CNTN6: variants seen among roughly 807,000 people sequenced by gnomAD.
The protein encoded by CNTN6 is contactin 6.
In CNTN6, 137 loss-of-function variants were observed where a neutral mutation model predicts 122.8. The ratio of observed to expected loss-of-function variants is 1.12; its 90% confidence interval spans 0.97 to 1.29. CNTN6 has a LOEUF of 1.29. Ranked by LOEUF, CNTN6 falls within the 50% of genes most tolerant of loss-of-function variation. The pLI is 0.00. For synonymous variants in CNTN6, 570 were observed against 426.0 expected (o/e 1.34, Z -4.16); for missense variants, 1,634 against 1,223.4 (o/e 1.34, Z -5.01).
intron 4 of CNTN6, among the ~76,000 whole-genome samples, chr3:1,234,155 A>G (rs2094393031): frequency 6.6e-6 from 1 of 152,214 alleles, no homozygotes; most frequent in Non-Finnish European, 1.5e-5. Flanking sequence ...CAACTAACCT[A>G]CAGCAGACCC....
chr3:1,383,480 C>T, intron 19 of CNTN6, 72 bp downstream of exon 19: 8 of 1,085,044 alleles, frequency 7.4e-6, no homozygotes, highest in Non-Finnish European at 1.1e-5. Context: ...ATTCAACAGT[C>T]CTATCCTACT....
chr3:1,388,188 G>A (rs1316968469), intron 20 of CNTN6, among the ~76,000 whole-genome samples: 5 of 150,694 alleles, frequency 3.3e-5, no homozygotes, highest in East Asian at 1.9e-4. Flanking sequence ...GAGAGCACTG[G>A]TTCTCCCAGC....
chr3:1,165,190 C>G (rs903980196), intron 2 of CNTN6, among the ~76,000 whole-genome samples: 1 of 152,102 alleles, frequency 6.6e-6, no homozygotes, highest in Non-Finnish European at 1.5e-5. Context: ...TGTTCATATC[C>G]TAGTGTTCAT....
At chr3:1,339,077 G>A (rs1020574385) in intron 11 of CNTN6, among the ~76,000 whole-genome samples, 3 of 151,338 alleles carry the variant, frequency 2.0e-5, no homozygotes, top group Admixed American at 6.6e-5. Flanking sequence ...TTTTTTTTAA[G>A]CCACTGACTA....
intron 12 of CNTN6, among the ~76,000 whole-genome samples, chr3:1,363,101 A>C (rs886497491): frequency 6.6e-6 from 1 of 151,988 alleles, no homozygotes; most frequent in Non-Finnish European, 1.5e-5. Flanking sequence ...CACTTAAAAA[A>C]ATAAAAATTT....
Position 1,093,102 on chromosome 3 carries a change from A to G in CNTN6, c.-101A>G. The G allele has an allele frequency of 6.8e-6, 2 of 292,362 alleles. No homozygotes were observed. The highest frequency in any genetic ancestry group is 1.4e-5 in the Non-Finnish European group (2 of 147,030). The allele number at this position is 292,362 out of a possible 1,614,324, so 18.1% of individuals were successfully genotyped here. On this transcript the variant is annotated 5_prime_UTR_variant, in exon 1 of 23. Transcript: ENST00000446702. ...AGAGTTCTGCAGAAAAACTGTAAAGATCCCGAGACATTTCCCTGGTAAGAT... is the reference window on the plus strand; with the variant it reads ...AGAGTTCTGCAGAAAAACTGTAAAGGTCCCGAGACATTTCCCTGGTAAGAT...
At chr3:1,240,513 T>C (rs2094469142) in intron 4 of CNTN6, among the ~76,000 whole-genome samples, 1 of 151,434 alleles carries the variant, frequency 6.6e-6, no homozygotes, top group African/African-American at 2.4e-5. Context: ...AATCAAAAAC[T>C]CAAAAAATAA....
At chr3:1,153,219 G>T (rs1424287725) in intron 2 of CNTN6, among the ~76,000 whole-genome samples, 1 of 152,150 alleles carries the variant, frequency 6.6e-6, no homozygotes, top group Non-Finnish European at 1.5e-5. Context: ...TCATGAAGAA[G>T]TGCAATAATT....
chr3:1,240,738 T>G (rs1197257690), intron 4 of CNTN6, among the ~76,000 whole-genome samples: 1 of 151,824 alleles, frequency 6.6e-6, no homozygotes, highest in Non-Finnish European at 1.5e-5. Flanking sequence ...AGAAAAAAAT[T>G]TCATGTGTGT....
intron 10 of CNTN6, among the ~76,000 whole-genome samples, chr3:1,328,570 G>A (rs951690025): frequency 2.6e-5 from 4 of 151,778 alleles, no homozygotes; most frequent in African/African-American, 2.4e-5. Context: ...GGAGAAAAAA[G>A]TGTCAGATTT....
At chr3:1,161,028 G>A (rs2093121154) in intron 2 of CNTN6, among the ~76,000 whole-genome samples, 1 of 151,322 alleles carries the variant, frequency 6.6e-6, no homozygotes, top group South Asian at 2.1e-4. Context: ...TTTGTATGGT[G>A]GAAATATCAT....
At chr3:1,288,249 T>G (rs1285406427) in intron 5 of CNTN6, among the ~76,000 whole-genome samples, 1 of 152,188 alleles carries the variant, frequency 6.6e-6, no homozygotes, top group Non-Finnish European at 1.5e-5. Flanking sequence ...ACAGTAGATG[T>G]GTAAATCAGA....
chr3:1,280,577 A>G (rs1416973824), intron 5 of CNTN6, among the ~76,000 whole-genome samples: 1 of 145,526 alleles, frequency 6.9e-6, no homozygotes, highest in Non-Finnish European at 1.5e-5. Context: ...CGATTCTCCT[A>G]CCTCAGCCTA....
rs546247767 is a variant in CNTN6, at chr3:1,239,245, G to A, written c.358+11252G>A. On this transcript the variant is annotated intron_variant, in intron 4 of 22. Transcript: ENST00000446702. The stretch of plus-strand genomic sequence containing the variant: ...AGTCAAACTGTCTCTGTTTGCTGAC[G>A]TTACGATTGTATACCTAAAAAGCCC... 7.7e-4 allele frequency among the ~76,000 whole-genome samples: 118 copies of A among 152,264 alleles called. 1 individual carries two copies. Among genetic ancestry groups the A allele is most frequent in the African/African-American group, 2.6e-3 (109 of 41,546 alleles).
intron 4 of CNTN6, among the ~76,000 whole-genome samples, chr3:1,277,987 T>G (rs898628411): frequency 1.3e-5 from 2 of 152,208 alleles, no homozygotes; most frequent in African/African-American, 2.4e-5. Flanking sequence ...CTCACACCAT[T>G]ACATCCTAAA....
intron 4 of CNTN6, among the ~76,000 whole-genome samples, chr3:1,267,748 T>G (rs1228285994): frequency 6.6e-6 from 1 of 152,190 alleles, no homozygotes; most frequent in Non-Finnish European, 1.5e-5. Context: ...AAGTGAGTTG[T>G]TTTTTGGCGT....
rs777498766 is a variant in CNTN6 at position 1,295,650 on chromosome 3, G to C, written c.504G>C (p.Glu168Asp). Residue 168 changes from glutamate (E) to aspartate (D), a missense_variant, in exon 6 of 23, where the codon GAG becomes GAC. Glu to Asp is a conservative substitution (Grantham distance 45). Transcript: ENST00000446702. Reference protein sequence around the residue: ...TFNDNPLYVQEDNRRFVSQET... With the variant: ...TFNDNPLYVQDDNRRFVSQET... ...ATGATAACCCCTTATACGTCCAAGAGGACAATAGGCGATTTGTATCTCAAG... is the reference window on the plus strand; with the variant it reads ...ATGATAACCCCTTATACGTCCAAGACGACAATAGGCGATTTGTATCTCAAG... 1 of 1,613,810 alleles carries C rather than the reference G, an allele frequency of 6.2e-7. No homozygotes were observed. The highest frequency in any genetic ancestry group is 8.5e-7 in the Non-Finnish European group (1 of 1,179,932).
chr3:1,245,289 AT>A, intron 4 of CNTN6, among the ~76,000 whole-genome samples: 1 of 6,556 alleles, frequency 1.5e-4, no homozygotes, highest in Non-Finnish European at 3.0e-4. Context: ...ACACATATAT[AT>A]ATAACATATA....
chr3:1,327,615 T>A (rs1461234737), intron 10 of CNTN6, 29 bp downstream of exon 10: 1 of 1,602,188 alleles, frequency 6.2e-7, no homozygotes, highest in South Asian at 1.1e-5. Flanking sequence ...ACCAACAAAT[T>A]CAAAATGACG....
Sources: gnomAD v4.1 joint callset for allele counts (sites outside exome capture counted in the v4.1 genomes callset) on GRCh38, gnomAD v4.1.1 for gene constraint, MANE v1.5 for transcripts, NCBI Gene and HGNC (gene_info 2026-07-23, HGNC 2026-07-21) for gene names.